KCNN2: variants seen among roughly 807,000 people sequenced by gnomAD.
KCNN2 encodes potassium calcium-activated channel subfamily N member 2, also known as small conductance calcium-activated potassium channel protein 2.
In KCNN2, 24 loss-of-function variants were observed where a neutral mutation model predicts 55.5. That is an observed-to-expected ratio of 0.43 (90% CI 0.31 to 0.61). The LOEUF is 0.61. Among genes scored for constraint, KCNN2 ranks in the 20% least tolerant of loss-of-function variants. KCNN2 has a pLI of 0.08. For missense variants in KCNN2, 754 were observed against 853.6 expected (o/e 0.88, Z 1.45); for synonymous variants, 431 against 336.1 (o/e 1.28, Z -3.09).
chr5:114,396,410 C>G (rs1010181919), intron 2 of KCNN2, among the ~76,000 whole-genome samples: 1 of 152,058 alleles, frequency 6.6e-6, no homozygotes, highest in African/African-American at 2.4e-5. Flanking sequence ...ATGTGTGCCT[C>G]TATTAAATGG....
At chr5:114,158,500 C>G (rs1002640136) in intron 1 of KCNN2, among the ~76,000 whole-genome samples, 2 of 151,868 alleles carry the variant, frequency 1.3e-5, no homozygotes, top group African/African-American at 4.8e-5. Context: ...TTTTTTGGTT[C>G]CATATGAAGT....
At chr5:114,136,195 G>C (rs2112498843) in intron 1 of KCNN2, among the ~76,000 whole-genome samples, 1 of 152,196 alleles carries the variant, frequency 6.6e-6, no homozygotes, top group East Asian at 1.9e-4. Context: ...AACACTAAGA[G>C]GTGATTAGGC....
At chr5:114,157,442 T>C (rs1489964454) in intron 1 of KCNN2, among the ~76,000 whole-genome samples, 2 of 152,104 alleles carry the variant, frequency 1.3e-5, no homozygotes, top group Non-Finnish European at 2.9e-5. Context: ...TCTTTGCTAT[T>C]GTGAATAGTG....
At chr5:114,345,591 A>G (rs762565542) in intron 2 of KCNN2, among the ~76,000 whole-genome samples, 2 of 152,070 alleles carry the variant, frequency 1.3e-5, no homozygotes, top group African/African-American at 2.4e-5. Flanking sequence ...GGGGGCAGAA[A>G]GAACCGATCT....
intron 2 of KCNN2, among the ~76,000 whole-genome samples, chr5:114,351,800 A>T (rs1474945264): frequency 1.3e-5 from 2 of 151,812 alleles, no homozygotes; most frequent in Non-Finnish European, 3.0e-5. Context: ...TTCTTATGAT[A>T]ATTCCAACTT....
At chr5:114,341,951 T>C (rs953701797) in intron 2 of KCNN2, among the ~76,000 whole-genome samples, 9 of 151,470 alleles carry the variant, frequency 5.9e-5, no homozygotes, top group Admixed American at 1.3e-4. Flanking sequence ...ACCCAGGCTG[T>C]AGTGCAGTGG....
chr5:114,125,843 T>A (rs1179996027), intron 1 of KCNN2, among the ~76,000 whole-genome samples: 1 of 152,160 alleles, frequency 6.6e-6, no homozygotes, highest in Non-Finnish European at 1.5e-5. Flanking sequence ...AGTACAGCAA[T>A]CATAGTGGAT....
intron 3 of KCNN2, among the ~76,000 whole-genome samples, chr5:114,405,990 G>T (rs112941186): frequency 6.6e-6 from 1 of 151,468 alleles, no homozygotes; most frequent in African/African-American, 2.4e-5. Flanking sequence ...GATTACAGGC[G>T]TGAGCCACCG....
chr5:114,435,103 G>C (rs972816865), intron 3 of KCNN2, among the ~76,000 whole-genome samples: 8 of 151,980 alleles, frequency 5.3e-5, no homozygotes, highest in Non-Finnish European at 1.0e-4. Context: ...CTCTCTACCC[G>C]TCACTCCCCA....
At chr5:114,195,341 A>C (rs539514250) in intron 1 of KCNN2, among the ~76,000 whole-genome samples, 37 of 151,946 alleles carry the variant, frequency 2.4e-4, no homozygotes, top group African/African-American at 8.7e-4. Flanking sequence ...CTTTCAATTT[A>C]TTTGGATTTT....
intron 1 of KCNN2, among the ~76,000 whole-genome samples, chr5:114,130,888 G>A (rs764692875): frequency 3.3e-5 from 5 of 152,028 alleles, no homozygotes; most frequent in East Asian, 1.9e-4. Flanking sequence ...AAAAAAGCTC[G>A]GTGCTTTCAT....
At chr5:114,461,159 A>G (rs1051232363) in intron 3 of KCNN2, among the ~76,000 whole-genome samples, 3 of 152,188 alleles carry the variant, frequency 2.0e-5, no homozygotes, top group South Asian at 4.1e-4. Context: ...CTTAGCTCAT[A>G]TTGTGGCTGA....
At chr5:114,265,723 A>G (rs1755196898) in intron 2 of KCNN2, among the ~76,000 whole-genome samples, 1 of 152,224 alleles carries the variant, frequency 6.6e-6, no homozygotes, top group African/African-American at 2.4e-5. Flanking sequence ...AGACACAACC[A>G]GAATAATGTT....
intron 1 of KCNN2, among the ~76,000 whole-genome samples, chr5:114,123,705 T>C (rs916502587): frequency 1.2e-4 from 18 of 152,206 alleles, no homozygotes; most frequent in African/African-American, 4.1e-4. Flanking sequence ...AAAAGGTCCC[T>C]CTTGTCTTCA....
intron 2 of KCNN2, among the ~76,000 whole-genome samples, chr5:114,377,569 G>A (rs1304244080): frequency 6.6e-6 from 1 of 152,188 alleles, no homozygotes; most frequent in Non-Finnish European, 1.5e-5. Flanking sequence ...GCAGCACAGA[G>A]TGTAGACCCC....
chr5:114,293,870 G>T (rs1052540534), intron 2 of KCNN2, among the ~76,000 whole-genome samples: 12 of 152,126 alleles, frequency 7.9e-5, no homozygotes, highest in Non-Finnish European at 1.2e-4. Context: ...CAATTTCAGA[G>T]CCTGTTATTG....
intron 1 of KCNN2, among the ~76,000 whole-genome samples, chr5:114,135,256 C>T (rs10463656): frequency 0.27 from 40,629 of 151,924 alleles, 5,852 homozygotes; most frequent in African/African-American, 0.38. Context: ...GAGAATTGGA[C>T]GCAAGGCTCT....
chr5:114,216,603 C>G (rs188099200), intron 1 of KCNN2, among the ~76,000 whole-genome samples: 25 of 152,226 alleles, frequency 1.6e-4, no homozygotes, highest in African/African-American at 4.3e-4. Context: ...TATAAACACT[C>G]TCAGCAAACT....
chr5:114,242,047 C>T (rs1014060213), intron 2 of KCNN2, among the ~76,000 whole-genome samples: 18 of 151,300 alleles, frequency 1.2e-4, no homozygotes, highest in African/African-American at 4.4e-4. Context: ...CCAGTTCCCA[C>T]ACGGTGAAAT....
Sources: gnomAD v4.1 joint callset for allele counts (sites outside exome capture counted in the v4.1 genomes callset) on GRCh38, gnomAD v4.1.1 for gene constraint, MANE v1.5 for transcripts, NCBI Gene and HGNC (gene_info 2026-07-23, HGNC 2026-07-21) for gene names.